Variants in ADARB2 observed in about 807,000 individuals in gnomAD.
ADARB2 encodes the protein inactive double-stranded RNA-specific editase B2.
A neutral mutation model predicts 62.2 loss-of-function variants in ADARB2; 25 were observed. That is an observed-to-expected ratio of 0.40 (90% CI 0.29 to 0.56). The LOEUF (loss-of-function observed/expected upper bound fraction) is 0.56, where lower values mean the gene tolerates loss of function less well. ADARB2 is among the 20% of genes least tolerant of loss of function. ADARB2 has a pLI of 0.43. For synonymous variants in ADARB2, 572 were observed against 500.8 expected, an observed-to-expected ratio of 1.14 and a Z score of -1.90; for missense variants, 1,071 against 1,077.4, an observed-to-expected ratio of 0.99 and a Z score of 0.08.
intron 8 of ADARB2, among the ~76,000 whole-genome samples, chr10:1,197,329 A>G: frequency 6.6e-6 from 1 of 152,234 alleles, no homozygotes; most frequent in East Asian, 1.9e-4. Flanking sequence ...GAGACTTTGA[A>G]TGCCAAAAAT....
At chr10:1,726,328 T>C (rs971409391) in intron 1 of ADARB2, among the ~76,000 whole-genome samples, 1 of 151,932 alleles carries the variant, frequency 6.6e-6, no homozygotes, top group African/African-American at 2.4e-5. Context: ...GATAGTTGGA[T>C]GATGGGTGAT....
At chr10:1,303,162 C>T (rs1831591651) in intron 3 of ADARB2, among the ~76,000 whole-genome samples, 1 of 151,888 alleles carries the variant, frequency 6.6e-6, no homozygotes, top group East Asian at 1.9e-4. Flanking sequence ...ACTAGAATAA[C>T]CAATACAGAG....
At chr10:1,409,284 C>G (rs1358901604) in intron 1 of ADARB2, among the ~76,000 whole-genome samples, 1 of 149,910 alleles carries the variant, frequency 6.7e-6, no homozygotes, top group Non-Finnish European at 1.5e-5. Flanking sequence ...TGACGGCGGG[C>G]TCCCACTTCG....
At chr10:1,202,260 T>G (rs1006169680) in intron 7 of ADARB2, among the ~76,000 whole-genome samples, 31 of 151,800 alleles carry the variant, frequency 2.0e-4, no homozygotes, top group Non-Finnish European at 1.9e-4. Context: ...GTGTGTGTGT[T>G]TTTTTTAGAC....
intron 3 of ADARB2, among the ~76,000 whole-genome samples, chr10:1,341,771 C>T (rs903717123): frequency 1.3e-5 from 2 of 152,108 alleles, no homozygotes; most frequent in South Asian, 4.2e-4. Context: ...CAAAGTGTCC[C>T]TCAGTGGTGA....
chr10:1,649,330 A>T (rs2119070113), intron 1 of ADARB2, among the ~76,000 whole-genome samples: 1 of 152,088 alleles, frequency 6.6e-6, no homozygotes, highest in South Asian at 2.1e-4. Context: ...GTCCCTTGTG[A>T]CTCTACATGT....
intron 2 of ADARB2, among the ~76,000 whole-genome samples, chr10:1,368,702 C>G (rs1011573578): frequency 3.9e-5 from 6 of 152,232 alleles, no homozygotes; most frequent in Non-Finnish European, 7.3e-5. Flanking sequence ...ACAAAACCTT[C>G]CAGAACCTAC....
chr10:1,418,373 A>T (rs555750446), intron 1 of ADARB2, among the ~76,000 whole-genome samples: 3 of 152,272 alleles, frequency 2.0e-5, no homozygotes, highest in Non-Finnish European at 4.4e-5. Context: ...GGGCAGTCCC[A>T]TCTCCTTTCT....
At chr10:1,338,191 G>T (rs913724249) in intron 3 of ADARB2, among the ~76,000 whole-genome samples, 1 of 152,220 alleles carries the variant, frequency 6.6e-6, no homozygotes, top group Non-Finnish European at 1.5e-5. Flanking sequence ...TAAGGAATGT[G>T]GCAGGCATTT....
intron 8 of ADARB2, 131 bp from the exon 9 acceptor site, chr10:1,185,170 G>T: frequency 8.2e-7 from 1 of 1,216,626 alleles, no homozygotes; most frequent in Non-Finnish European, 1.1e-6. Context: ...CTCAGGACTG[G>T]CCAGTTCACG....
rs1836625628 is a variant in ADARB2, at chr10:1,178,909, G to C, written c.*4284C>G. On this transcript the variant is annotated 3_prime_UTR_variant, in exon 10 of 10. Coordinates refer to ENST00000381312, the MANE Select transcript of ADARB2 (RefSeq NM_018702.4). Reference sequence around the variant, plus strand: ...GCGATCCAACGGTAGTACATAAAAGGAAAGCCTCTCAGCTTCCCTTTGGTC... The same window carrying C: ...GCGATCCAACGGTAGTACATAAAAGCAAAGCCTCTCAGCTTCCCTTTGGTC... 1 of 152,156 alleles carries C rather than the reference G, an allele frequency of 6.6e-6. No homozygotes were observed. Among genetic ancestry groups the C allele is most frequent in the Admixed American group, 6.5e-5 (1 of 15,284 alleles). 9.4% of individuals were successfully genotyped at this position (152,156 alleles called of 1,614,324 possible). A position where few individuals can be genotyped will look rare whatever the true frequency, so the allele number is the denominator to read the frequency against.
chr10:1,569,453 C>T (rs1423738696), intron 1 of ADARB2, among the ~76,000 whole-genome samples: 2 of 152,232 alleles, frequency 1.3e-5, no homozygotes, highest in Non-Finnish European at 2.9e-5. Flanking sequence ...GAGCAATCCT[C>T]TCTCATTCCC....
rs749965510 is a variant in ADARB2, at chr10:1,737,200, A to T, written c.-50T>A. Reference sequence around the variant, plus strand: ...AGAGCCGCCTCCCTCCTGCACCTGCACCTGCCTCCTTCCCGGCAGCCGCCG... The same window carrying T: ...AGAGCCGCCTCCCTCCTGCACCTGCTCCTGCCTCCTTCCCGGCAGCCGCCG... On this transcript the variant is annotated 5_prime_UTR_variant, in exon 1 of 10. Transcript: ENST00000381312. The T allele has an allele frequency of 6.8e-5, 107 of 1,573,926 alleles. No individual in the cohort carries two copies. The highest frequency in any genetic ancestry group is 8.9e-5 in the Non-Finnish European group (103 of 1,158,860).
At chr10:1,459,761 C>CA (rs371334488) in intron 1 of ADARB2, among the ~76,000 whole-genome samples, 54 of 150,918 alleles carry the variant, frequency 3.6e-4, no homozygotes, top group African/African-American at 4.1e-4. Flanking sequence ...AACTCTGTCT[C>CA]AAAAAAAAAG....
rs1192910914 is a variant in ADARB2, at chr10:1,479,808, A to C, written c.101-100648T>G. Among the ~76,000 whole-genome samples the C allele has an allele frequency of 3.3e-5, 5 of 152,230 alleles. No homozygotes were observed. In the East Asian group the frequency reaches 9.6e-4, roughly 29 times the overall value. On this transcript the variant is annotated intron_variant, in intron 1 of 9. Coordinates refer to ENST00000381312, the MANE Select transcript of ADARB2 (RefSeq NM_018702.4). ...AGGGAAGTGTATTTGAAGGACACAC[A>C]CTTCATTCATTTGTCAAGAGAAGGT... is the stretch of plus-strand genomic sequence containing the variant.
At chr10:1,518,173 A>G (rs1388627387) in intron 1 of ADARB2, among the ~76,000 whole-genome samples, 1 of 152,236 alleles carries the variant, frequency 6.6e-6, no homozygotes. Context: ...CTCCCCGATC[A>G]GATCAGAAGA....
At chr10:1,725,121 C>G (rs910615537) in intron 1 of ADARB2, among the ~76,000 whole-genome samples, 5 of 152,236 alleles carry the variant, frequency 3.3e-5, no homozygotes, top group African/African-American at 1.2e-4. Context: ...AAAGTCCCAA[C>G]CAGATGAACC....
chr10:1,335,121 T>TG (rs1023640537), intron 3 of ADARB2, among the ~76,000 whole-genome samples: 3 of 151,986 alleles, frequency 2.0e-5, no homozygotes, highest in African/African-American at 7.2e-5. Context: ...TCAGGGGCAA[T>TG]GGGTTTGTCT....
At chr10:1,726,198 C>T (rs551272683) in intron 1 of ADARB2, among the ~76,000 whole-genome samples, 11 of 152,230 alleles carry the variant, frequency 7.2e-5, no homozygotes, top group Non-Finnish European at 1.6e-4. Flanking sequence ...CTCTACAGTG[C>T]GGTTGGGTGT....
Sources: allele counts gnomAD v4.1 joint callset (sites outside exome capture counted in the v4.1 genomes callset), GRCh38; gene constraint gnomAD v4.1.1; transcripts MANE v1.5; gene names NCBI Gene and HGNC (gene_info 2026-07-23, HGNC 2026-07-21).